Variants in TMC8 observed in about 807,000 individuals in gnomAD.
The protein encoded by TMC8 is transmembrane channel like 8.
A neutral mutation model predicts 76.0 loss-of-function variants in TMC8; 71 were observed. The observed-to-expected ratio is 0.93, with a 90% CI of 0.77 to 1.14. The LOEUF (loss-of-function observed/expected upper bound fraction) is 1.14. Among genes scored for constraint, TMC8 ranks in the 50% most tolerant of loss-of-function variants. TMC8 has a pLI of 0.00. For synonymous variants in TMC8, 433 were observed against 433.8 expected (o/e 1.00, Z 0.02); for missense variants, 924 against 947.9 (o/e 0.97, Z 0.33).
Position 78,131,859 on chromosome 17 carries a change from CCCCTGTCACCA to C in TMC8, c.150-19_150-9del. 1 of 1,464,136 alleles carries C rather than the reference CCCCTGTCACCA, an allele frequency of 6.8e-7. No individual in the cohort carries two copies. The highest frequency in any genetic ancestry group is 9.0e-7 in the Non-Finnish European group (1 of 1,112,642). 90.7% of individuals were successfully genotyped at this position (1,464,136 alleles called of 1,614,324 possible). ...GGGCAGGGCGGGTGACTCAGGGGCG[CCCCTGTCACCA>C]CCCCCGTCCAGGCAGCTGCGGGAGC... On this transcript the variant is annotated splice_polypyrimidine_tract_variant and intron_variant, in intron 2 of 15. Coordinates refer to ENST00000318430, the MANE Select transcript of TMC8 (RefSeq NM_152468.5).
At position 78,138,588 on chromosome 17, in the gene TMC8, G is replaced by A. The variant is rs2075296064; in HGVS notation, c.1679G>A (p.Trp560Ter). Residue 560 changes from tryptophan to a stop codon, truncating the protein, a stop_gained, in exon 14 of 16, where the codon TGG becomes TAG. Coordinates refer to ENST00000318430, the MANE Select transcript of TMC8 (RefSeq NM_152468.5). LOFTEE classifies it high-confidence loss of function. ...GYVVSSIHSS[W>*]DCGLFTNYSA... The stretch of plus-strand genomic sequence containing the variant: ...TCTCTCGCCAGCATCCACTCCTCCT[G>A]GGACTGCGGCCTCTTCACCAACTAC... The A allele has an allele frequency of 1.9e-6, 3 of 1,613,776 alleles. No individual in the cohort carries two copies. Among genetic ancestry groups the A allele is most frequent in the Non-Finnish European group, 1.7e-6 (2 of 1,180,028 alleles).
At chr17:78,139,509 C>T (rs1031835374) in intron 15 of TMC8, among the ~76,000 whole-genome samples, 1 of 152,100 alleles carries the variant, frequency 6.6e-6, no homozygotes, top group Non-Finnish European at 1.5e-5. Context: ...GCAGGAGGAT[C>T]GGATCACTTG....
chr17:78,131,417 C>G lies in TMC8; in HGVS notation c.-172C>G. On this transcript the variant is annotated 5_prime_UTR_variant, in exon 2 of 16. Coordinates refer to ENST00000318430, the MANE Select transcript of TMC8 (RefSeq NM_152468.5). ...AGCGGCAGACCCGGGCAAGTGAACC[C>G]TAGGGCTGCAGGAGCCCAGGCCCCG... The G allele has an allele frequency of 1.1e-6, 1 of 893,674 alleles. No homozygotes were observed. Among genetic ancestry groups the G allele is most frequent in the South Asian group, 1.5e-5 (1 of 65,228 alleles). 55.4% of individuals were successfully genotyped at this position (893,674 alleles called of 1,614,324 possible). A position where few individuals can be genotyped will look rare whatever the true frequency, so the allele number is the denominator to read the frequency against.
chr17:78,137,779 C>A lies in TMC8; in HGVS notation c.1314C>A (p.Thr438=). The A allele has an allele frequency of 6.2e-7, 1 of 1,613,610 alleles. No homozygotes were observed. Among genetic ancestry groups the A allele is most frequent in the Non-Finnish European group, 8.5e-7 (1 of 1,180,022 alleles). ...YKLSIFNFLL[T]VAFAFLVTLP... ...TGAGTATCTTCAACTTCCTCCTCACCGTGGCCTTCGCCTTCCTGGTCACCC... is the reference window on the plus strand; with the variant it reads ...TGAGTATCTTCAACTTCCTCCTCACAGTGGCCTTCGCCTTCCTGGTCACCC... Residue 438 remains threonine (T), a synonymous_variant, in exon 11 of 16, where the codon ACC becomes ACA. Transcript: ENST00000318430.
chr17:78,132,564 G>A (rs952858125), intron 4 of TMC8, 56 bp downstream of exon 4: 7 of 1,573,550 alleles, frequency 4.4e-6, no homozygotes, highest in East Asian at 4.7e-5. Context: ...GCCATGGGGG[G>A]GCTGGCCCAG....
In TMC8 at chr17:78,142,764, C is replaced by A. The variant is rs912912390; in HGVS notation, c.*1652C>A. ...GGTTAGAAATGAACATTCCCAGGCC[C>A]CACCTCAGCCTCCTGAATCAGAGCA... On this transcript the variant is annotated 3_prime_UTR_variant, in exon 16 of 16. Transcript: ENST00000318430. 1.3e-5 allele frequency: 2 copies of A among 152,254 alleles called. No homozygotes were observed. Among genetic ancestry groups the A allele is most frequent in the Non-Finnish European group, 2.9e-5 (2 of 68,082 alleles). 9.4% of individuals were successfully genotyped at this position (152,254 alleles called of 1,614,324 possible).
Position 78,133,895 on chromosome 17 carries a change from C to CT in TMC8, c.712dup (p.Tyr238LeufsTer29). 2 of 1,613,470 alleles carry CT rather than the reference C, an allele frequency of 1.2e-6. No individual in the cohort carries two copies. The highest frequency in any genetic ancestry group is 1.1e-5 in the South Asian group (1 of 91,092). On this transcript the variant is annotated frameshift_variant, in exon 7 of 16. Coordinates refer to ENST00000318430, the MANE Select transcript of TMC8 (RefSeq NM_152468.5). LOFTEE classifies it high-confidence loss of function. ...CGCAGAAGACTCTGCTGGGTCAGGGCTATCAGGCGCCTCTCAGCGCCAAGG... is the reference window on the plus strand; with the variant it reads ...CGCAGAAGACTCTGCTGGGTCAGGGCTTATCAGGCGCCTCTCAGCGCCAAGG...
At chr17:78,139,015 G>C (rs755868941) in intron 14 of TMC8, 147 bp from the exon 15 acceptor site, 1 of 1,573,178 alleles carries the variant, frequency 6.4e-7, no homozygotes, top group East Asian at 2.3e-5. Context: ...AGGAAGGAGA[G>C]GAGGGTCCCA....
At chr17:78,137,973 T>C in intron 11 of TMC8, 32 bp from the exon 12 acceptor site, 1 of 1,612,422 alleles carries the variant, frequency 6.2e-7, no homozygotes, top group Non-Finnish European at 8.5e-7. Context: ...CTGTCTGGAG[T>C]GGTGAGTACC....
chr17:78,133,818 C>T, intron 6 of TMC8, 35 bp from the exon 7 acceptor site: 1 of 1,612,248 alleles, frequency 6.2e-7, no homozygotes, highest in South Asian at 1.1e-5. Context: ...TAGAGGTGCC[C>T]CTCCTCCAGC....
In TMC8 at chr17:78,137,222, T is replaced by C. The variant is rs2075255909; in HGVS notation, c.1128-13T>C. 6.2e-7 allele frequency: 1 copy of C among 1,613,348 alleles called. No homozygotes were observed. The highest frequency in any genetic ancestry group is 8.5e-7 in the Non-Finnish European group (1 of 1,179,812). ...GCCTGGGCCCCTCCACCTGACAAGG[T>C]CCCTGCCCCCAGGTGCGTGGTGCTG... On this transcript the variant is annotated splice_polypyrimidine_tract_variant and intron_variant, in intron 9 of 15. Coordinates refer to ENST00000318430, the MANE Select transcript of TMC8 (RefSeq NM_152468.5).
intron 9 of TMC8, 98 bp from the exon 10 acceptor site, chr17:78,137,137 A>G (rs2075253598): frequency 6.4e-7 from 1 of 1,561,968 alleles, no homozygotes; most frequent in Non-Finnish European, 8.7e-7. Flanking sequence ...CCAGGACACA[A>G]CATGATCCCA....
intron 15 of TMC8, 115 bp from the exon 16 acceptor site, chr17:78,140,719 T>G (rs544937279): frequency 7.6e-5 from 108 of 1,417,538 alleles, no homozygotes; most frequent in East Asian, 1.8e-4. Context: ...GCGTGGCCTC[T>G]GGCTACTTTG....
intron 15 of TMC8, 141 bp from the exon 16 acceptor site, chr17:78,140,693 C>A: frequency 8.7e-7 from 1 of 1,154,148 alleles, no homozygotes. Flanking sequence ...TCGAGCGGGG[C>A]GTGGCCTCGG....
Position 78,131,439 on chromosome 17 carries a change from C to CCCGACG in TMC8, c.-146_-141dup. 8.8e-7 allele frequency: 1 copy of CCCGACG among 1,142,708 alleles called. No individual in the cohort carries two copies. Among genetic ancestry groups the CCCGACG allele is most frequent in the Non-Finnish European group, 1.3e-6 (1 of 798,732 alleles). 70.8% of individuals were successfully genotyped at this position (1,142,708 alleles called of 1,614,324 possible). A position where few individuals can be genotyped will look rare whatever the true frequency, so the allele number is the denominator to read the frequency against. On this transcript the variant is annotated 5_prime_UTR_variant, in exon 2 of 16. Transcript: ENST00000318430. Reference sequence around the variant, plus strand: ...ACCCTAGGGCTGCAGGAGCCCAGGCCCCGACGCCGGCGCAGAGGGGACGGA... The same window carrying CCCGACG: ...ACCCTAGGGCTGCAGGAGCCCAGGCCCCGACGCCGACGCCGGCGCAGAGGGGACGGA...
intron 3 of TMC8, 142 bp downstream of exon 3, chr17:78,132,172 G>T (rs1300781790): frequency 1.4e-6 from 2 of 1,412,282 alleles, no homozygotes; most frequent in Admixed American, 2.0e-5. Flanking sequence ...CACCCCTTCC[G>T]CCCGCAGGCA....
Position 78,131,662 on chromosome 17 carries a change from A to C in TMC8, c.74A>C (p.Glu25Ala), listed in dbSNP as rs542262836. Residue 25 changes from glutamate to alanine, a missense_variant, in exon 2 of 16, where the codon GAG (glutamate) becomes GCG (alanine). Physicochemically the swap from Glu to Ala is moderately radical, Grantham distance 107. Coordinates refer to ENST00000318430, the MANE Select transcript of TMC8 (RefSeq NM_152468.5). ...GAGCCGGAGGAGCTGTGGGAGGCAGAGATGGAGCGGCTGCGCGGCTCTGGG... is the reference window on the plus strand; with the variant it reads ...GAGCCGGAGGAGCTGTGGGAGGCAGCGATGGAGCGGCTGCGCGGCTCTGGG... ...VPEPEELWEA[E>A]MERLRGSGTP... 1.3e-6 allele frequency: 2 copies of C among 1,567,632 alleles called. No homozygotes were observed. Among genetic ancestry groups the C allele is most frequent in the African/African-American group, 2.7e-5 (2 of 74,152 alleles).
chr17:78,138,426 G>A lies in TMC8; in HGVS notation c.1611G>A (p.Val537=). Residue 537 remains valine, a synonymous_variant, in exon 13 of 16, where the codon GTG becomes GTA. Transcript: ENST00000318430. Reference sequence around the variant, plus strand: ...GCTCCACCTTCTTCTTCCAGCTAGTGCTCCTCCTGGGCCTGCTTCTGGCTG... The same window carrying A: ...GCTCCACCTTCTTCTTCCAGCTAGTACTCCTCCTGGGCCTGCTTCTGGCTG... ...ASSSTFFFQL[V]LLLGLLLAAV... 4 of 1,612,968 alleles carry A rather than the reference G, an allele frequency of 2.5e-6. No individual in the cohort carries two copies. The highest frequency in any genetic ancestry group is 3.4e-6 in the Non-Finnish European group (4 of 1,180,004).
rs746600332 is a variant in TMC8, at chr17:78,138,059, G to A, written c.1404G>A (p.Glu468=). ...GRFWAWLERE[E]FLVPKNVLDI... ...TCTGGGCCTGGCTGGAACGGGAGGA[G>A]TTCCTGGTCCCCAAGAATGTGCTGG... The change falls in exon 12 of 16, where the codon GAG becomes GAA. Residue 468 remains glutamate (E), a synonymous_variant. Coordinates refer to ENST00000318430, the MANE Select transcript of TMC8 (RefSeq NM_152468.5). 49 of 1,613,932 alleles carry A rather than the reference G, an allele frequency of 3.0e-5. 1 individual carries two copies. In the South Asian group the frequency reaches 4.5e-4, roughly 15 times the overall value.
Sources: gnomAD v4.1 joint callset for allele counts (sites outside exome capture counted in the v4.1 genomes callset) on GRCh38, gnomAD v4.1.1 for gene constraint, MANE v1.5 for transcripts, NCBI Gene and HGNC (gene_info 2026-07-23, HGNC 2026-07-21) for gene names.